The following ZNF142 variants were observed in gnomAD, a reference collection of about 807,000 sequenced individuals.
ZNF142 encodes the protein zinc finger protein 142.
ZNF142 carries 96 observed loss-of-function variants against 132.1 expected under a neutral mutation model. The observed-to-expected ratio is 0.73, with a 90% CI of 0.62 to 0.86. The LOEUF is 0.86. ZNF142 is among the 40% of genes least tolerant of loss of function. ZNF142 has a pLI of 0.00. For synonymous variants in ZNF142, 842 were observed against 890.1 expected, an observed-to-expected ratio of 0.95 and a Z score of 0.96; for missense variants, 2,163 against 2,336.2, an observed-to-expected ratio of 0.93 and a Z score of 1.53.
In ZNF142 at chr2:218,656,205, G is replaced by C. The variant is rs1169520336; in HGVS notation, c.225C>G (p.Ile75Met). Residue 75 changes from isoleucine (I) to methionine (M), a missense_variant, in exon 4 of 11, where the codon ATC becomes ATG. Around this residue, in one of 7 missense-constraint regions of ZNF142, gnomAD observed 195 missense variants for 172.4 expected, o/e 1.13. Coordinates refer to ENST00000411696, the MANE Select transcript of ZNF142 (RefSeq NM_001379659.1). ...ATEEGPGNME[I>M]IVETVAGTLT... is the part of the protein sequence containing the mutation. ...GGGTTCCAGCTACTGTCTCCACAAT[G>C]ATCTCCATGTTCCCTGGTCCCTCTT... 6.2e-7 allele frequency: 1 copy of C among 1,612,048 alleles called. No individual in the cohort carries two copies. The highest frequency in any genetic ancestry group is 1.3e-5 in the African/African-American group (1 of 74,922).
At position 218,650,407 on chromosome 2, in the gene ZNF142, CCTT is replaced by C. The variant is rs1162723450; in HGVS notation, c.997_999del (p.Lys333del). 2 of 1,614,194 alleles carry C rather than the reference CCTT, an allele frequency of 1.2e-6. No homozygotes were observed. The highest frequency in any genetic ancestry group is 1.3e-5 in the African/African-American group (1 of 75,048). The stretch of plus-strand genomic sequence containing the variant: ...CCTTTATCCACAGCCTTTTGGGAGT[CCTT>C]CTGGGTGTCACTCTTCTCTTCTTTC... On this transcript the variant is annotated inframe_deletion, in exon 6 of 11. Transcript: ENST00000411696.
In ZNF142 at chr2:218,634,722, C is replaced by T. The variant is rs541718426; in HGVS notation, c.*3617G>A. 92 of 1,404,784 alleles carry T rather than the reference C, an allele frequency of 6.5e-5. No homozygotes were observed. The Admixed American group carries it at 8.4e-4, about 13-fold the overall frequency. The allele number at this position is 1,404,784 out of a possible 1,614,324, so 87.0% of individuals were successfully genotyped here. Reference sequence around the variant, plus strand: ...CTAGGCCTGACCGGAATGTAGAGGCCGGATAGCCTATTAACAGTGTCTAGT... The same window carrying T: ...CTAGGCCTGACCGGAATGTAGAGGCTGGATAGCCTATTAACAGTGTCTAGT... On this transcript the variant is annotated 3_prime_UTR_variant, in exon 11 of 11. Coordinates refer to ENST00000411696, the MANE Select transcript of ZNF142 (RefSeq NM_001379659.1). The surrounding 1 kb of genome is among the most constrained non-coding windows in gnomAD (Gnocchi z 4.0).
chr2:218,638,874 AC>A, intron 10 of ZNF142, 66 bp from the exon 11 acceptor site: 1 of 1,297,850 alleles, frequency 7.7e-7, no homozygotes, highest in South Asian at 1.4e-5. Context: ...CCATGGAGTT[AC>A]TGCAATCAGT....
chr2:218,653,621 G>A (rs1938222952), intron 4 of ZNF142, among the ~76,000 whole-genome samples: 1 of 151,464 alleles, frequency 6.6e-6, no homozygotes, highest in South Asian at 2.1e-4. Context: ...TGATACATAA[G>A]TATACAAAGG....
chr2:218,640,596 C>T (rs182133814), intron 10 of ZNF142, 68 bp downstream of exon 10: 1 of 1,459,306 alleles, frequency 6.9e-7, no homozygotes, highest in Non-Finnish European at 9.6e-7. Flanking sequence ...AAGGACCAAC[C>T]TTGGTAAGGT....
chr2:218,648,161 A>T (rs919790781), intron 7 of ZNF142, among the ~76,000 whole-genome samples: 1 of 152,250 alleles, frequency 6.6e-6, no homozygotes, highest in Non-Finnish European at 1.5e-5. Flanking sequence ...CGAGTTAAAC[A>T]TCTGCAACTT....
chr2:218,643,105 G>A lies in ZNF142; in HGVS notation c.4011C>T (p.Cys1337=), dbSNP rs200894363. ...CPLEESGELH[C]SLCPFTAPAA... Reference sequence around the variant, plus strand: ...CAGGAGCAGTGAATGGGCAGAGGCTGCAGTGCAGCTCTCCAGACTCCTCGA... The same window carrying A: ...CAGGAGCAGTGAATGGGCAGAGGCTACAGTGCAGCTCTCCAGACTCCTCGA... Residue 1337 remains cysteine, a synonymous_variant, in exon 9 of 11, where the codon TGC becomes TGT. Coordinates refer to ENST00000411696, the MANE Select transcript of ZNF142 (RefSeq NM_001379659.1). 7 of 1,612,002 alleles carry A rather than the reference G, an allele frequency of 4.3e-6. No homozygotes were observed. Among genetic ancestry groups the A allele is most frequent in the Non-Finnish European group, 5.9e-6 (7 of 1,179,128 alleles).
In ZNF142 at chr2:218,643,017, G is replaced by A. The variant is rs554323831; in HGVS notation, c.4099C>T (p.Pro1367Ser). Residue 1367 changes from proline (P) to serine (S), a missense_variant, in exon 9 of 11, where the codon CCC becomes TCC. Pro to Ser is a moderately conservative substitution (Grantham distance 74, BLOSUM62 -1). Transcript: ENST00000411696. ...RHPTAAPARG[P>S]RPHLQCGDCG... ...TCCCCACACTGTAGATGGGGCCGGG[G>A]CCCACGGGCTGGGGCTGCAGTGGGG... The A allele has an allele frequency of 5.6e-6, 9 of 1,605,214 alleles. No individual in the cohort carries two copies. The highest frequency in any genetic ancestry group is 2.7e-5 in the African/African-American group (2 of 74,746).
chr2:218,656,031 C>G, intron 4 of ZNF142, 119 bp downstream of exon 4: 1 of 1,260,964 alleles, frequency 7.9e-7, no homozygotes, highest in Non-Finnish European at 1.0e-6. Flanking sequence ...ACAACATCTC[C>G]AAGTATAAAA....
chr2:218,638,275 C>G lies in ZNF142; in HGVS notation c.*64G>C. ...TTAGGCTCTGAGCTCCTCAGGCTAGCGCTGGTCCCAGTCTGCACATCTCAG... is the reference window on the plus strand; with the variant it reads ...TTAGGCTCTGAGCTCCTCAGGCTAGGGCTGGTCCCAGTCTGCACATCTCAG... On this transcript the variant is annotated 3_prime_UTR_variant, in exon 11 of 11. Coordinates refer to ENST00000411696, the MANE Select transcript of ZNF142 (RefSeq NM_001379659.1). The G allele has an allele frequency of 7.0e-7, 1 of 1,421,190 alleles. No individual in the cohort carries two copies. The highest frequency in any genetic ancestry group is 9.3e-7 in the Non-Finnish European group (1 of 1,079,998). 88.0% of individuals were successfully genotyped at this position (1,421,190 alleles called of 1,614,324 possible). A position where few individuals can be genotyped will look rare whatever the true frequency, so the allele number is the denominator to read the frequency against.
rs770766878 is a variant in ZNF142, at chr2:218,644,144, G to T, written c.2972C>A (p.Thr991Lys). 1 of 1,614,112 alleles carries T rather than the reference G, an allele frequency of 6.2e-7. No homozygotes were observed. The highest frequency in any genetic ancestry group is 8.5e-7 in the Non-Finnish European group (1 of 1,180,018). The change falls in exon 9 of 11, where the codon ACA becomes AAA. Residue 991 changes from threonine to lysine, a missense_variant. By Grantham distance (78) the Thr-to-Lys change is moderately conservative (BLOSUM62 -1). Coordinates refer to ENST00000411696, the MANE Select transcript of ZNF142 (RefSeq NM_001379659.1). The surrounding 1 kb of genome is among the most constrained non-coding windows in gnomAD (Gnocchi z 4.6). ...GTFKTTPPAE[T>K]APLPPLPESE... ...CTCAGGTAATGGGGGCAAGGGTGCT[G>T]TCTCAGCAGGTGGAGTTGTCTTGAA...
chr2:218,643,481 G>A lies in ZNF142; in HGVS notation c.3635C>T (p.Pro1212Leu), dbSNP rs755112986. Residue 1212 changes from proline to leucine, a missense_variant, in exon 9 of 11, where the codon CCC becomes CTC. By Grantham distance (98) the Pro-to-Leu change is moderately conservative. Coordinates refer to ENST00000411696, the MANE Select transcript of ZNF142 (RefSeq NM_001379659.1). ...DPVPPAGNSS[P>L]TEALKKHRFE... ...GCGGTGCTTCTTCAGGGCCTCTGTG[G>A]GTGAGGAGTTTCCTGCAGGAGGGAC... 1.6e-5 allele frequency: 26 copies of A among 1,614,114 alleles called. No homozygotes were observed. The highest frequency in any genetic ancestry group is 2.1e-5 in the Non-Finnish European group (25 of 1,179,996).
In ZNF142 at chr2:218,656,435, C is replaced by T. The variant is rs1938509028; in HGVS notation, c.-6G>A. 7.1e-7 allele frequency: 1 copy of T among 1,405,264 alleles called. No homozygotes were observed. The highest frequency in any genetic ancestry group is 1.9e-5 in the South Asian group (1 of 52,056). The allele number at this position is 1,405,264 out of a possible 1,614,324, so 87.0% of individuals were successfully genotyped here. A position where few individuals can be genotyped will look rare whatever the true frequency, so the allele number is the denominator to read the frequency against. On this transcript the variant is annotated 5_prime_UTR_variant, in exon 4 of 11. In the 5' UTR this introduces an upstream ATG that the reference lacks. Coordinates refer to ENST00000411696, the MANE Select transcript of ZNF142 (RefSeq NM_001379659.1). ...TCCAAAAGGGGGTCTGTCATCACCA[C>T]CGACTTGTGTGTTTTGGCTTCTTAA...
chr2:218,636,973 T>C lies in ZNF142; in HGVS notation c.*1366A>G. The C allele has an allele frequency of 2.2e-6, 1 of 452,652 alleles. No homozygotes were observed. The highest frequency in any genetic ancestry group is 1.6e-5 in the South Asian group (1 of 63,662). 28.0% of individuals were successfully genotyped at this position (452,652 alleles called of 1,614,324 possible). On this transcript the variant is annotated 3_prime_UTR_variant, in exon 11 of 11. Coordinates refer to ENST00000411696, the MANE Select transcript of ZNF142 (RefSeq NM_001379659.1). ...AATAGAGAAACCTAAAGAAGCATCATCCCCTCCATCCCCAACTTCCTCAAA... is the reference window on the plus strand; with the variant it reads ...AATAGAGAAACCTAAAGAAGCATCACCCCCTCCATCCCCAACTTCCTCAAA...
rs1290212235 is a variant in ZNF142, at chr2:218,638,774, G to A, written c.5229C>T (p.Tyr1743=). The stretch of plus-strand genomic sequence containing the variant: ...GCAGTGCATCAGCCCGGTTGGTGCA[G>A]TACTCACACTCGGGACACTGGTATG... ...LKPYQCPECE[Y]CTNRADALRV... The change falls in exon 11 of 11, where the codon TAC becomes TAT. Residue 1743 remains tyrosine (Y), a synonymous_variant. Transcript: ENST00000411696. 7 of 1,607,294 alleles carry A rather than the reference G, an allele frequency of 4.4e-6. No individual in the cohort carries two copies. The highest frequency in any genetic ancestry group is 5.9e-6 in the Non-Finnish European group (7 of 1,179,758).
rs1245497515 is a variant in ZNF142, at chr2:218,637,884, G to C, written c.*455C>G. 6.5e-6 allele frequency: 1 copy of C among 153,296 alleles called. No homozygotes were observed. The highest frequency in any genetic ancestry group is 2.4e-5 in the African/African-American group (1 of 41,456). The allele number at this position is 153,296 out of a possible 1,614,324, so 9.5% of individuals were successfully genotyped here. On this transcript the variant is annotated 3_prime_UTR_variant, in exon 11 of 11. Coordinates refer to ENST00000411696, the MANE Select transcript of ZNF142 (RefSeq NM_001379659.1). The stretch of plus-strand genomic sequence containing the variant: ...TGACAGCCTGGAAATGTTAAGACAG[G>C]GATTTGGATGAATCTATAATGTAGT...
Position 218,648,941 on chromosome 2 carries a change from A to G in ZNF142, c.1567T>C (p.Cys523Arg), listed in dbSNP as rs752277713. The change falls in exon 7 of 11, where the codon TGT becomes CGT. Residue 523 changes from cysteine to arginine, a missense_variant. Cys to Arg is a radical substitution (Grantham distance 180, BLOSUM62 -3). Coordinates refer to ENST00000411696, the MANE Select transcript of ZNF142 (RefSeq NM_001379659.1). ...VRAVECRHHS[C>R]PMLFATAEAM... ...TCGGCTGTGGCAAAGAGCATGGGACATGAGTGATGGCGGCACTCCACAGCC... is the reference window on the plus strand; with the variant it reads ...TCGGCTGTGGCAAAGAGCATGGGACGTGAGTGATGGCGGCACTCCACAGCC... The G allele has an allele frequency of 1.2e-6, 2 of 1,613,364 alleles. No homozygotes were observed. The highest frequency in any genetic ancestry group is 2.2e-5 in the East Asian group (1 of 44,878).
rs1019515931 is a variant in ZNF142 at position 218,642,796 on chromosome 2, G to A, written c.4320C>T (p.Asn1440=). ...CSSCPQTFGT[N]SKLRLHRLRV... Reference sequence around the variant, plus strand: ...TTAACCGGTGCAAGCGCAGTTTCGAGTTGGTACCAAACGTCTGGGGGCAAG... The same window carrying A: ...TTAACCGGTGCAAGCGCAGTTTCGAATTGGTACCAAACGTCTGGGGGCAAG... The change falls in exon 9 of 11, where the codon AAC becomes AAT. Residue 1440 remains asparagine, a synonymous_variant. Transcript: ENST00000411696. The surrounding 1 kb of genome is among the most constrained non-coding windows in gnomAD (Gnocchi z 4.6). 10 of 1,614,232 alleles carry A rather than the reference G, an allele frequency of 6.2e-6. No individual in the cohort carries two copies. The highest frequency in any genetic ancestry group is 1.3e-5 in the African/African-American group (1 of 75,082).
chr2:218,648,585 TCAC>T, intron 7 of ZNF142, 47 bp downstream of exon 7: 2 of 1,555,946 alleles, frequency 1.3e-6, no homozygotes, highest in Non-Finnish European at 1.8e-6. Context: ...GTAGCCAGTA[TCAC>T]CACCATCATT....
Sources: gnomAD v4.1 joint callset for allele counts (sites outside exome capture counted in the v4.1 genomes callset) on GRCh38, gnomAD v4.1.1 for gene constraint, gnomAD v4.1.1 regional missense constraint, Gnocchi (gnomAD v3.1) non-coding constraint, MANE v1.5 for transcripts, NCBI Gene and HGNC (gene_info 2026-07-23, HGNC 2026-07-21) for gene names.